STK33: variants seen among roughly 807,000 people sequenced by gnomAD.
STK33 encodes serine/threonine kinase 33.
A neutral mutation model predicts 58.0 loss-of-function variants in STK33; 52 were observed. The observed-to-expected ratio is 0.90, with a 90% CI of 0.72 to 1.13. The LOEUF is 1.13. Ranked by LOEUF, STK33 falls within the 50% of genes most tolerant of loss-of-function variation. The pLI is 0.00. For missense variants in STK33, 630 were observed against 604.2 expected, an observed-to-expected ratio of 1.04 and a Z score of -0.45; for synonymous variants, 215 against 200.1, an observed-to-expected ratio of 1.07 and a Z score of -0.63.
chr11:8,524,856 T>G (rs1953890213), intron 1 of STK33, among the ~76,000 whole-genome samples: 1 of 151,718 alleles, frequency 6.6e-6, no homozygotes, highest in African/African-American at 2.4e-5. Context: ...AAAATAATAA[T>G]AATAGTAATA....
At chr11:8,358,750 T>C in the STK33 span, among the ~76,000 whole-genome samples, 4 of 152,050 alleles carry the variant, frequency 2.6e-5, no homozygotes, top group South Asian at 2.1e-4. Flanking sequence ...TTGAAAGAAA[T>C]AGGAAGCCAT....
intron 15 of STK33, among the ~76,000 whole-genome samples, chr11:8,394,572 T>A (rs1564838871): frequency 6.6e-6 from 1 of 152,226 alleles, no homozygotes. Context: ...CATTTGTTAA[T>A]GTAATTGAGT....
chr11:8,495,062 C>T (rs1429379648), intron 1 of STK33, among the ~76,000 whole-genome samples: 2 of 152,022 alleles, frequency 1.3e-5, no homozygotes, highest in African/African-American at 4.8e-5. Context: ...AAAACACCAA[C>T]AGCAATGGCA....
chr11:8,436,061 A>C lies in STK33; in HGVS notation c.1026T>G (p.Phe342Leu), dbSNP rs1287789691. Residue 342 changes from phenylalanine (F) to leucine (L), a missense_variant, in exon 13 of 16, where the codon TTT (phenylalanine) becomes TTG (leucine). Phe to Leu is a conservative substitution (Grantham distance 22). Transcript: ENST00000687296. ...FELIRKGELHFENAVWNSISD... is the reference protein window; with the variant it reads ...FELIRKGELHLENAVWNSISD... ...TTATGGAATTCCAGACTGCATTTTCAAAATGTAGTTCTCCTTTTCTTATTA... is the reference window on the plus strand; with the variant it reads ...TTATGGAATTCCAGACTGCATTTTCCAAATGTAGTTCTCCTTTTCTTATTA... 8.2e-6 allele frequency: 13 copies of C among 1,590,474 alleles called. No individual in the cohort carries two copies. The highest frequency in any genetic ancestry group is 1.1e-5 in the Non-Finnish European group (13 of 1,168,544).
At chr11:8,404,451 C>T (rs1938715568) in intron 15 of STK33, among the ~76,000 whole-genome samples, 2 of 152,116 alleles carry the variant, frequency 1.3e-5, no homozygotes, top group South Asian at 2.1e-4. Context: ...CTCCTGGGGG[C>T]CACAACTATT....
chr11:8,461,893 A>G lies in STK33; in HGVS notation c.470T>C (p.Val157Ala). Residue 157 changes from valine to alanine, a missense_variant, in exon 8 of 16, where the codon GTG (valine) becomes GCG (alanine). By Grantham distance (64) the Val-to-Ala change is moderately conservative. Transcript: ENST00000687296. ...VNKEKAGSSA[V>A]KLLEREVNIL... ...GTTCACCTCTCGTTCAAGTAACTTCACAGCAGAGCTTCCAGCCTTAATCAA... is the reference window on the plus strand; with the variant it reads ...GTTCACCTCTCGTTCAAGTAACTTCGCAGCAGAGCTTCCAGCCTTAATCAA... 6.3e-7 allele frequency: 1 copy of G among 1,594,764 alleles called. No individual in the cohort carries two copies. The highest frequency in any genetic ancestry group is 8.5e-7 in the Non-Finnish European group (1 of 1,171,994).
At chr11:8,588,713 A>G (rs901096578) in intron 1 of STK33, among the ~76,000 whole-genome samples, 5 of 152,196 alleles carry the variant, frequency 3.3e-5, no homozygotes, top group Admixed American at 1.3e-4. Context: ...AACACTACCA[A>G]GGAGGTAAAA....
At position 8,559,347 on chromosome 11, in the gene STK33, A is replaced by C. The variant is rs139041283; in HGVS notation, c.-466+34736T>G. ...ACCTTAGCATTTTTTCCTGCCCCTC[A>C]TGCTAGTTTCTAGGTTGGTGGCATG... On this transcript the variant is annotated intron_variant, in intron 1 of 15. Transcript: ENST00000687296. Among the ~76,000 whole-genome samples the C allele has an allele frequency of 5.6e-3, 847 of 152,282 alleles. 4 individuals carry two copies. The highest frequency in any genetic ancestry group is 9.0e-3 in the Admixed American group (137 of 15,292).
intron 1 of STK33, among the ~76,000 whole-genome samples, chr11:8,512,154 T>C (rs940337868): frequency 6.6e-6 from 1 of 152,214 alleles, no homozygotes; most frequent in Non-Finnish European, 1.5e-5. Flanking sequence ...CAATAATCTA[T>C]AGATTAATTC....
the STK33 span, among the ~76,000 whole-genome samples, chr11:8,338,011 ACT>A: frequency 1.8e-4 from 28 of 152,072 alleles, 1 homozygote; most frequent in African/African-American, 6.3e-4. Context: ...TAATTGACAT[ACT>A]GTTTCTTTTC....
rs368369729 is a variant in STK33 at position 8,418,752 on chromosome 11, TTTG to T, written c.1147-5063_1147-5061del. On this transcript the variant is annotated intron_variant, in intron 14 of 15. Transcript: ENST00000687296. ...CCTTTTCTCCACAACCTCACCAGCATTTGTTATTTTTTTACTTTTTAGTAATAG... is the reference window on the plus strand; with the variant it reads ...CCTTTTCTCCACAACCTCACCAGCATTTATTTTTTTACTTTTTAGTAATAG... Among the ~76,000 whole-genome samples, 78 of 152,236 alleles carry T rather than the reference TTTG, an allele frequency of 5.1e-4. 1 individual carries two copies. The highest frequency in any genetic ancestry group is 1.8e-3 in the African/African-American group (73 of 41,550).
At chr11:8,443,127 C>T (rs1944978662) in intron 11 of STK33, among the ~76,000 whole-genome samples, 1 of 152,118 alleles carries the variant, frequency 6.6e-6, no homozygotes, top group African/African-American at 2.4e-5. Flanking sequence ...AAAAAATCTA[C>T]TAAAAGTACA....
chr11:8,452,000 T>C (rs1052679224), intron 11 of STK33, among the ~76,000 whole-genome samples: 9 of 152,008 alleles, frequency 5.9e-5, no homozygotes, highest in Non-Finnish European at 1.3e-4. Flanking sequence ...GTCAGGAGTT[T>C]TAGATCAGCC....
the STK33 span, among the ~76,000 whole-genome samples, chr11:8,349,256 G>A: frequency 8.5e-5 from 13 of 152,258 alleles, no homozygotes; most frequent in Admixed American, 8.5e-4. Context: ...CCTTGAAGCA[G>A]TGTCTGATAT....
chr11:8,452,692 G>A, intron 11 of STK33, 130 bp downstream of exon 11: 1 of 715,242 alleles, frequency 1.4e-6, no homozygotes, highest in Admixed American at 2.2e-5. Context: ...AGAGGCTGAG[G>A]TGGGGGGATG....
At position 8,482,447 on chromosome 11, in the gene STK33, C is replaced by T. The variant is rs138507965; in HGVS notation, c.-465-1833G>A. ...ATATATCCAGCACACACTTTAATAC[C>T]TGTGATATACTAAGGACTGAATTAT... On this transcript the variant is annotated intron_variant, in intron 1 of 15. Coordinates refer to ENST00000687296, the MANE Select transcript of STK33 (RefSeq NM_001352389.2). Among the ~76,000 whole-genome samples, 5 of 152,200 alleles carry T rather than the reference C, an allele frequency of 3.3e-5. No homozygotes were observed. The East Asian group carries it at 9.7e-4, about 29-fold the overall frequency.
rs191228872 is a variant in STK33 at position 8,432,623 on chromosome 11, T to C, written c.1146+2871A>G. 3.1e-3 allele frequency among the ~76,000 whole-genome samples: 479 copies of C among 152,248 alleles called. 1 individual carries two copies. Among genetic ancestry groups the C allele is most frequent in the African/African-American group, 0.011 (442 of 41,576 alleles). ...AATGCACAGTACATAGGCTAAACCATAGAAACTTTATAGAAAAATGTTACT... is the reference window on the plus strand; with the variant it reads ...AATGCACAGTACATAGGCTAAACCACAGAAACTTTATAGAAAAATGTTACT... On this transcript the variant is annotated intron_variant, in intron 14 of 15. Transcript: ENST00000687296.
chr11:8,559,974 CTTTTG>C (rs896985961), intron 1 of STK33, among the ~76,000 whole-genome samples: 9 of 152,148 alleles, frequency 5.9e-5, no homozygotes, highest in African/African-American at 1.9e-4. Context: ...ATTTACACCT[CTTTTG>C]TTTTAATGGC....
chr11:8,557,284 G>GA (rs1956822014), intron 1 of STK33, among the ~76,000 whole-genome samples: 1 of 113,398 alleles, frequency 8.8e-6, no homozygotes, highest in African/African-American at 3.3e-5. Context: ...GGGGAGGGGA[G>GA]GGGAGGAGAG....
Sources: allele counts gnomAD v4.1 joint callset (sites outside exome capture counted in the v4.1 genomes callset), GRCh38; gene constraint gnomAD v4.1.1; transcripts MANE v1.5; gene names NCBI Gene and HGNC (gene_info 2026-07-23, HGNC 2026-07-21).